The following NLGN1 variants were observed in gnomAD, a reference collection of about 807,000 sequenced individuals.
NLGN1 encodes the protein neuroligin 1.
Under a neutral mutation model 65.5 loss-of-function variants are expected in NLGN1, and 12 were observed. That is an observed-to-expected ratio of 0.18 (90% confidence interval 0.12 to 0.30). NLGN1 has a LOEUF of 0.30. Ranked by LOEUF, NLGN1 falls within the 10% of genes least tolerant of loss-of-function variation. NLGN1 has a pLI of 1.00. For synonymous variants in NLGN1, 350 were observed against 359.5 expected (o/e 0.97, Z 0.30); for missense variants, 750 against 1,007.1 (o/e 0.74, Z 3.46).
intron 3 of NLGN1, among the ~76,000 whole-genome samples, chr3:173,669,893 G>A (rs1762231994): frequency 6.6e-6 from 1 of 152,138 alleles, no homozygotes; most frequent in Non-Finnish European, 1.5e-5. Flanking sequence ...TACATTGTTA[G>A]ATAAAGCAGT....
intron 4 of NLGN1, among the ~76,000 whole-genome samples, chr3:173,873,199 A>G (rs762062438): frequency 6.6e-5 from 10 of 151,120 alleles, no homozygotes; most frequent in Admixed American, 1.3e-4. Flanking sequence ...AGTGATTCTC[A>G]TGCCTCAGCC....
intron 3 of NLGN1, among the ~76,000 whole-genome samples, chr3:173,769,821 T>C (rs1184573795): frequency 6.6e-6 from 1 of 152,170 alleles, no homozygotes; most frequent in Admixed American, 6.5e-5. Context: ...ATTTGAGCTA[T>C]CTAAAAAAGA....
At chr3:174,020,718 G>A (rs1453727174) in intron 4 of NLGN1, among the ~76,000 whole-genome samples, 1 of 152,070 alleles carries the variant, frequency 6.6e-6, no homozygotes, top group African/African-American at 2.4e-5. Flanking sequence ...AGTAGTTTGT[G>A]TTATGCTCTT....
At chr3:173,712,706 A>G (rs964907846) in intron 3 of NLGN1, among the ~76,000 whole-genome samples, 3 of 152,184 alleles carry the variant, frequency 2.0e-5, no homozygotes, top group African/African-American at 7.2e-5. Context: ...TTAGTTATTG[A>G]AAACCAACAA....
intron 4 of NLGN1, among the ~76,000 whole-genome samples, chr3:174,174,191 T>C (rs1193586946): frequency 1.3e-5 from 2 of 152,118 alleles, no homozygotes; most frequent in South Asian, 2.1e-4. Context: ...ATCCATTGTA[T>C]ATATATACCA....
At chr3:174,004,307 C>T (rs2152431806) in intron 4 of NLGN1, among the ~76,000 whole-genome samples, 1 of 152,222 alleles carries the variant, frequency 6.6e-6, no homozygotes, top group East Asian at 1.9e-4. Flanking sequence ...CAAAACTAGG[C>T]TTACACAATT....
intron 4 of NLGN1, among the ~76,000 whole-genome samples, chr3:174,118,708 C>T (rs1338547557): frequency 2.6e-5 from 4 of 152,048 alleles, no homozygotes; most frequent in Non-Finnish European, 4.4e-5. Context: ...TAGCATGTGC[C>T]TACCTTCATG....
chr3:174,088,538 C>T (rs987566217), intron 4 of NLGN1, among the ~76,000 whole-genome samples: 1 of 151,942 alleles, frequency 6.6e-6, no homozygotes, highest in African/African-American at 2.4e-5. Flanking sequence ...AGGCGGATCA[C>T]GAGGTCGGGA....
chr3:173,777,309 T>TG lies in NLGN1; in HGVS notation c.494-30370dup, dbSNP rs1194798609. Among the ~76,000 whole-genome samples the TG allele has an allele frequency of 2.0e-5, 3 of 151,872 alleles. No homozygotes were observed. The East Asian group carries it at 5.8e-4, about 29-fold the overall frequency. ...GTAGCAACCATATGGATTTGGTGAGTGACTCATTGTGAATAAGTAGTAGGT... is the reference window on the plus strand; with the variant it reads ...GTAGCAACCATATGGATTTGGTGAGTGGACTCATTGTGAATAAGTAGTAGGT... On this transcript the variant is annotated intron_variant, in intron 3 of 6. Transcript: ENST00000457714.
At chr3:173,746,624 T>C (rs1775428316) in intron 3 of NLGN1, among the ~76,000 whole-genome samples, 1 of 152,106 alleles carries the variant, frequency 6.6e-6, no homozygotes, top group South Asian at 2.1e-4. Context: ...TCACATGCTA[T>C]TATAGAACAT....
chr3:174,219,686 T>A (rs780506760), intron 4 of NLGN1, among the ~76,000 whole-genome samples: 12 of 152,136 alleles, frequency 7.9e-5, no homozygotes, highest in South Asian at 2.1e-4. Flanking sequence ...TGGTGTGTGT[T>A]CACCGTTGTA....
rs570217404 is a variant in NLGN1, at chr3:173,635,583, T to A, written c.493+30492T>A. On this transcript the variant is annotated intron_variant, in intron 3 of 6. Transcript: ENST00000457714. ...GTAAAATTTTTCTAAAGAAAATGAT[T>A]TCAGGAAACACGTTTTTGGAAATAA... Among the ~76,000 whole-genome samples, 405 of 152,282 alleles carry A rather than the reference T, an allele frequency of 2.7e-3. 3 individuals are homozygous for A. The highest frequency in any genetic ancestry group is 0.01 in the Middle Eastern group (3 of 294).
intron 2 of NLGN1, among the ~76,000 whole-genome samples, chr3:173,478,532 A>C (rs976313516): frequency 1.3e-5 from 2 of 152,180 alleles, no homozygotes; most frequent in Non-Finnish European, 2.9e-5. Flanking sequence ...TACATCCTAC[A>C]CATGTATGCT....
intron 2 of NLGN1, among the ~76,000 whole-genome samples, chr3:173,564,238 G>A (rs577816080): frequency 6.6e-6 from 1 of 152,204 alleles, no homozygotes; most frequent in African/African-American, 2.4e-5. Context: ...ACAGGTTTCC[G>A]TTAAATGCTT....
chr3:173,814,767 C>A (rs1718672478), intron 4 of NLGN1, among the ~76,000 whole-genome samples: 1 of 152,108 alleles, frequency 6.6e-6, no homozygotes, highest in African/African-American at 2.4e-5. Context: ...GTGAACCTTG[C>A]TATCAGTAGA....
At chr3:174,059,810 T>G (rs1303716348) in intron 4 of NLGN1, among the ~76,000 whole-genome samples, 1 of 152,168 alleles carries the variant, frequency 6.6e-6, no homozygotes, top group Admixed American at 6.5e-5. Context: ...TAAGTAATGC[T>G]GAATTTATAC....
intron 1 of NLGN1, among the ~76,000 whole-genome samples, chr3:173,422,927 G>C (rs968161467): frequency 1.3e-5 from 2 of 152,154 alleles, no homozygotes; most frequent in Non-Finnish European, 2.9e-5. Flanking sequence ...CTGCTATAAA[G>C]ATACTATCTG....
intron 2 of NLGN1, among the ~76,000 whole-genome samples, chr3:173,592,437 T>A (rs1234519420): frequency 6.6e-6 from 1 of 152,216 alleles, no homozygotes; most frequent in Non-Finnish European, 1.5e-5. Flanking sequence ...TAGAATCTTA[T>A]TGTATTTTCT....
intron 4 of NLGN1, among the ~76,000 whole-genome samples, chr3:174,262,875 G>A (rs1269342308): frequency 9.6e-6 from 1 of 103,942 alleles, no homozygotes; most frequent in Non-Finnish European, 1.9e-5. Context: ...AGAGATTCTG[G>A]TATGTTGTGT....
Sources: gnomAD v4.1 joint callset for allele counts (sites outside exome capture counted in the v4.1 genomes callset) on GRCh38, gnomAD v4.1.1 for gene constraint, MANE v1.5 for transcripts, NCBI Gene and HGNC (gene_info 2026-07-23, HGNC 2026-07-21) for gene names.